Variants in RNF6 observed in about 807,000 individuals in gnomAD.
RNF6 encodes ring finger protein 6.
In RNF6, 21 loss-of-function variants were observed where a neutral mutation model predicts 50.1. That is an observed-to-expected ratio of 0.42 (90% CI 0.30 to 0.60). RNF6 has a LOEUF of 0.60. Among genes scored for constraint, RNF6 ranks in the 20% least tolerant of loss-of-function variants. The probability of loss-of-function intolerance (pLI) is 0.20; values close to 1 mark genes in which losing one functional copy is unlikely to be tolerated. For missense variants in RNF6, 698 were observed against 838.2 expected, an observed-to-expected ratio of 0.83 and a Z score of 2.07; for synonymous variants, 255 against 291.8, an observed-to-expected ratio of 0.87 and a Z score of 1.29.
At chr13:26,146,158 T>C (rs1409081060) in intron 5 of RNF6, among the ~76,000 whole-genome samples, 1 of 152,202 alleles carries the variant, frequency 6.6e-6, no homozygotes, top group African/African-American at 2.4e-5. Flanking sequence ...TAAAAGGCTA[T>C]AGATCCCTTT....
rs200852550 is a variant in RNF6 at position 26,215,516 on chromosome 13, A to G, written c.366T>C (p.Asn122=). 4.5e-5 allele frequency: 73 copies of G among 1,613,606 alleles called. No homozygotes were observed. Among genetic ancestry groups the G allele is most frequent in the Non-Finnish European group, 5.2e-5 (61 of 1,180,034 alleles). Residue 122 remains asparagine, a synonymous_variant, in exon 5 of 5, where the codon AAT becomes AAC. Coordinates refer to ENST00000381588, the MANE Select transcript of RNF6 (RefSeq NM_005977.4). ...TCCCATTTTGTCCACTTCGAGTTGC[A>G]TTTCCTGTGCGCCGAAAGGTGTTCA... The part of the protein sequence containing the change: ...EWLNTFRRTG[N]ATRSGQNGNQ...
At chr13:26,223,036 G>T (rs28372677), upstream of RNF6, among the ~76,000 whole-genome samples, 1,200 of 152,286 alleles carry the variant, frequency 7.9e-3, 8 homozygotes, top group African/African-American at 0.014. Context: ...TTAAGATGCT[G>T]AGTAGGTCTC....
intron 5 of RNF6, among the ~76,000 whole-genome samples, chr13:26,167,490 C>T (rs948015756): frequency 3.3e-5 from 5 of 151,966 alleles, no homozygotes; most frequent in Non-Finnish European, 7.4e-5. Flanking sequence ...GAAATCAAAA[C>T]CATAACGAGA....
At chr13:26,132,833 T>A (rs939453116) in intron 5 of RNF6, among the ~76,000 whole-genome samples, 2 of 152,212 alleles carry the variant, frequency 1.3e-5, no homozygotes, top group African/African-American at 4.8e-5. Flanking sequence ...GGTTCCAAAC[T>A]TTTTGCAGGC....
chr13:26,168,552 A>T (rs7320117), intron 5 of RNF6, among the ~76,000 whole-genome samples: 1 of 152,100 alleles, frequency 6.6e-6, no homozygotes, highest in African/African-American at 2.4e-5. Flanking sequence ...TTTGCAGAAA[A>T]TGTTCTTACA....
rs1870594254 is a variant in RNF6 at position 26,222,243 on chromosome 13, C to G, written c.-342G>C. ...GAACGGCAGGCCCCAGCCCTTCTTT[C>G]CCGACAGCCACGCCGCCCACTTGGC... On this transcript the variant is annotated 5_prime_UTR_variant, in exon 1 of 5. Transcript: ENST00000381588. 6.6e-6 allele frequency: 1 copy of G among 152,340 alleles called. No homozygotes were observed. Among genetic ancestry groups the G allele is most frequent in the African/African-American group, 2.4e-5 (1 of 41,470 alleles). The allele number at this position is 152,340 out of a possible 1,614,324, so 9.4% of individuals were successfully genotyped here.
At chr13:26,179,237 A>T (rs764665866) in intron 5 of RNF6, among the ~76,000 whole-genome samples, 2 of 152,326 alleles carry the variant, frequency 1.3e-5, no homozygotes, top group Non-Finnish European at 2.9e-5. Context: ...TACAATTTGC[A>T]TTCTTAGATC....
intron 5 of RNF6, among the ~76,000 whole-genome samples, chr13:26,136,072 C>G (rs1198004868): frequency 1.3e-5 from 2 of 152,136 alleles, no homozygotes; most frequent in Non-Finnish European, 2.9e-5. Flanking sequence ...TATTTCTTTA[C>G]AGCAATGCAA....
intron 5 of RNF6, among the ~76,000 whole-genome samples, chr13:26,175,270 G>C (rs1044738456): frequency 1.3e-5 from 2 of 152,100 alleles, no homozygotes; most frequent in Admixed American, 6.5e-5. Context: ...TAGTAGAGAC[G>C]GGGTTTGGCC....
At chr13:26,157,144 G>A (rs1299401350) in intron 5 of RNF6, among the ~76,000 whole-genome samples, 1 of 152,108 alleles carries the variant, frequency 6.6e-6, no homozygotes, top group Non-Finnish European at 1.5e-5. Flanking sequence ...TCTAAAATTG[G>A]TTGTGGTGAT....
chr13:26,141,930 A>G (rs1870976054), intron 5 of RNF6, among the ~76,000 whole-genome samples: 1 of 152,174 alleles, frequency 6.6e-6, no homozygotes, highest in Non-Finnish European at 1.5e-5. Flanking sequence ...CTATCAGAAG[A>G]GTACAGACAA....
chr13:26,177,951 C>G (rs934058278), intron 5 of RNF6, among the ~76,000 whole-genome samples: 1 of 152,106 alleles, frequency 6.6e-6, no homozygotes, highest in Non-Finnish European at 1.5e-5. Flanking sequence ...TTTGGGAGGC[C>G]AAGGTGGGCA....
At chr13:26,165,080 G>C (rs1417836254) in intron 5 of RNF6, among the ~76,000 whole-genome samples, 2 of 152,120 alleles carry the variant, frequency 1.3e-5, no homozygotes, top group African/African-American at 2.4e-5. Context: ...AAGTGGTTTC[G>C]TGAGCCAGGT....
chr13:26,182,555 G>A (rs1361764298), intron 5 of RNF6, among the ~76,000 whole-genome samples: 1 of 151,988 alleles, frequency 6.6e-6, no homozygotes, highest in African/African-American at 2.4e-5. Context: ...GCTTATGCCT[G>A]TAATCCCAGC....
intron 5 of RNF6, among the ~76,000 whole-genome samples, chr13:26,186,141 G>A (rs1337648599): frequency 2.6e-5 from 4 of 152,226 alleles, no homozygotes; most frequent in Non-Finnish European, 5.9e-5. Context: ...CCATGTCAAA[G>A]CTTCATCACC....
chr13:26,165,505 C>T (rs1392940027), intron 5 of RNF6, among the ~76,000 whole-genome samples: 1 of 152,196 alleles, frequency 6.6e-6, no homozygotes, highest in Non-Finnish European at 1.5e-5. Flanking sequence ...TGACAGCTTG[C>T]ACTGTGCACC....
intron 5 of RNF6, among the ~76,000 whole-genome samples, chr13:26,176,980 C>G (rs1431361697): frequency 2.0e-5 from 3 of 151,978 alleles, no homozygotes; most frequent in Non-Finnish European, 4.4e-5. Context: ...CAGGTGAAGA[C>G]AGAGACACAA....
At chr13:26,135,678 C>G (rs1311814984) in intron 5 of RNF6, 1 of 152,122 alleles carries the variant, frequency 6.6e-6, no homozygotes, top group African/African-American at 2.4e-5. Context: ...AATGTGACTC[C>G]TAAGGTTTGG....
chr13:26,157,087 G>C (rs1593154977), intron 5 of RNF6, among the ~76,000 whole-genome samples: 1 of 152,180 alleles, frequency 6.6e-6, no homozygotes, highest in Non-Finnish European at 1.5e-5. Flanking sequence ...GGGAATGACT[G>C]CTAGTGGGTA....
Sources: gnomAD v4.1 joint callset for allele counts (sites outside exome capture counted in the v4.1 genomes callset) on GRCh38, gnomAD v4.1.1 for gene constraint, MANE v1.5 for transcripts, NCBI Gene and HGNC (gene_info 2026-07-23, HGNC 2026-07-21) for gene names.